ADGRB1: variants seen among roughly 807,000 people sequenced by gnomAD.
ADGRB1 encodes the protein adhesion G protein-coupled receptor B1.
Under a neutral mutation model 175.7 loss-of-function variants are expected in ADGRB1, and 36 were observed. The ratio of observed to expected loss-of-function variants is 0.20; its 90% confidence interval spans 0.16 to 0.27. ADGRB1 has a LOEUF of 0.27. Among genes scored for constraint, ADGRB1 ranks in the 10% least tolerant of loss-of-function variants. The pLI is 1.00. For missense variants in ADGRB1, 1,731 were observed against 2,255.3 expected, an observed-to-expected ratio of 0.77 and a Z score of 4.71; for synonymous variants, 1,054 against 979.4, an observed-to-expected ratio of 1.08 and a Z score of -1.42.
chr8:142,465,550 T>C (rs982218287), intron 2 of ADGRB1, among the ~76,000 whole-genome samples: 2 of 151,720 alleles, frequency 1.3e-5, no homozygotes, highest in Admixed American at 1.3e-4. Flanking sequence ...GAATCACCTC[T>C]GCCACACGCT....
intron 9 of ADGRB1, among the ~76,000 whole-genome samples, chr8:142,480,780 C>T (rs1392988501): frequency 6.6e-6 from 1 of 152,218 alleles, no homozygotes; most frequent in Non-Finnish European, 1.5e-5. Context: ...CTCTGTATCA[C>T]AGGGTGTGCC....
At chr8:142,472,847 C>T (rs1840741230) in intron 2 of ADGRB1, among the ~76,000 whole-genome samples, 1 of 152,126 alleles carries the variant, frequency 6.6e-6, no homozygotes, top group South Asian at 2.1e-4. Flanking sequence ...AGAATCGAGA[C>T]TCAGTATGCG....
In ADGRB1 at chr8:142,511,612, C is replaced by G. The variant is rs370164927; in HGVS notation, c.2817+539C>G. Among the ~76,000 whole-genome samples, 12 of 152,326 alleles carry G rather than the reference C, an allele frequency of 7.9e-5. No individual in the cohort carries two copies. In the East Asian group the frequency reaches 2.1e-3, roughly 27 times the overall value. The stretch of plus-strand genomic sequence containing the variant: ...TCCACCGCCCCCCAGGCCTCAGCAC[C>G]TCGGGGCTTCCTTTTTGTTCCTGTG... On this transcript the variant is annotated intron_variant, in intron 18 of 30. Transcript: ENST00000517894. This position sits in a 1 kb window ranked among gnomAD's most constrained non-coding sequence, Gnocchi z 4.5.
Position 142,537,204 on chromosome 8 carries a change from C to A in ADGRB1, c.3666+122C>A. On this transcript the variant is annotated intron_variant, in intron 26 of 30. Transcript: ENST00000517894. This position sits in a 1 kb window ranked among gnomAD's most constrained non-coding sequence, Gnocchi z 4.6. Reference sequence around the variant, plus strand: ...CCCAGCAACCCTGCTGAGAGGAGCTCTGAACCCAGTGTGCAGTTGGGGAAA... The same window carrying A: ...CCCAGCAACCCTGCTGAGAGGAGCTATGAACCCAGTGTGCAGTTGGGGAAA... 1 of 735,042 alleles carries A rather than the reference C, an allele frequency of 1.4e-6. No individual in the cohort carries two copies. Among genetic ancestry groups the A allele is most frequent in the Non-Finnish European group, 2.0e-6 (1 of 499,858 alleles). The allele number at this position is 735,042 out of a possible 1,614,324, so 45.5% of individuals were successfully genotyped here. A position where few individuals can be genotyped will look rare whatever the true frequency, so the allele number is the denominator to read the frequency against.
intron 3 of ADGRB1, 53 bp from the exon 4 acceptor site, chr8:142,476,532 G>T (rs1177420614): frequency 2.7e-6 from 4 of 1,492,000 alleles, no homozygotes; most frequent in Admixed American, 2.0e-5. Context: ...GCCACAGAGA[G>T]AGAGGACGGG....
intron 25 of ADGRB1, among the ~76,000 whole-genome samples, 195 bp from the exon 26 acceptor site, chr8:142,536,792 G>C (rs545181978): frequency 3.9e-5 from 6 of 152,136 alleles, no homozygotes; most frequent in East Asian, 1.9e-4. Context: ...CCCCTCCTGG[G>C]GTCTCTTTTC....
chr8:142,520,910 C>A lies in ADGRB1; in HGVS notation c.3009C>A (p.Thr1003=). The part of the protein sequence containing the change: ...SSNALILIGQ[T]QTRNKVVCTL... ...ATGCCCTCATCCTCATCGGGCAGACCCAGACCCGCAACAAGGTAGGCAGCC... is the reference window on the plus strand; with the variant it reads ...ATGCCCTCATCCTCATCGGGCAGACACAGACCCGCAACAAGGTAGGCAGCC... The change falls in exon 20 of 31, where the codon ACC becomes ACA. Residue 1003 remains threonine, a synonymous_variant. Transcript: ENST00000517894. The A allele has an allele frequency of 1.2e-6, 2 of 1,613,254 alleles. No homozygotes were observed. The highest frequency in any genetic ancestry group is 1.7e-6 in the Non-Finnish European group (2 of 1,179,340).
rs550438429 is a variant in ADGRB1, at chr8:142,469,801, GT to G, written c.784+4820del. Among the ~76,000 whole-genome samples the G allele has an allele frequency of 1.9e-3, 290 of 152,120 alleles. 3 individuals are homozygous for G. Among genetic ancestry groups the G allele is most frequent in the African/African-American group, 6.7e-3 (280 of 41,522 alleles). The stretch of plus-strand genomic sequence containing the variant: ...TCTCTGTGTGTGCACGTGCGTGTGC[GT>G]GGGGGGGATGGGGTGGCATGAGGAC... On this transcript the variant is annotated intron_variant, in intron 2 of 30. Coordinates refer to ENST00000517894, the MANE Select transcript of ADGRB1 (RefSeq NM_001702.3).
In ADGRB1 at chr8:142,511,105, G is replaced by T. The variant is rs1843076488; in HGVS notation, c.2817+32G>T. ...CCCCGGCCGGGCCGGCGGGAGGGGCGCCGGGCAGGGGCGCGGGCGGGGGCT... is the reference window on the plus strand; with the variant it reads ...CCCCGGCCGGGCCGGCGGGAGGGGCTCCGGGCAGGGGCGCGGGCGGGGGCT... On this transcript the variant is annotated intron_variant, in intron 18 of 30. Transcript: ENST00000517894. The surrounding 1 kb of genome is among the most constrained non-coding windows in gnomAD (Gnocchi z 4.5). 9.3e-7 allele frequency: 1 copy of T among 1,077,552 alleles called. No individual in the cohort carries two copies. 66.7% of individuals were successfully genotyped at this position (1,077,552 alleles called of 1,614,324 possible). A position where few individuals can be genotyped will look rare whatever the true frequency, so the allele number is the denominator to read the frequency against.
chr8:142,508,452 G>A (rs933376624), intron 17 of ADGRB1, among the ~76,000 whole-genome samples: 1 of 152,164 alleles, frequency 6.6e-6, no homozygotes, highest in Non-Finnish European at 1.5e-5. Flanking sequence ...GACTTTCCAG[G>A]GACCCCACGC....
intron 18 of ADGRB1, among the ~76,000 whole-genome samples, chr8:142,515,356 C>T (rs1587387427): frequency 6.6e-6 from 1 of 152,238 alleles, no homozygotes; most frequent in East Asian, 1.9e-4. Context: ...GGCCACCGCC[C>T]ATCCCTTCTT....
intron 21 of ADGRB1, among the ~76,000 whole-genome samples, 190 bp from the exon 22 acceptor site, chr8:142,522,451 C>A (rs372437552): frequency 2.6e-5 from 4 of 152,330 alleles, no homozygotes; most frequent in African/African-American, 9.6e-5. Context: ...CTCATTGGAC[C>A]ACCCTGCGCC....
chr8:142,464,995 C>G lies in ADGRB1; in HGVS notation c.784+13C>G. The G allele has an allele frequency of 1.6e-6, 2 of 1,261,276 alleles. No homozygotes were observed. Among genetic ancestry groups the G allele is most frequent in the Non-Finnish European group, 2.0e-6 (2 of 984,098 alleles). 78.1% of individuals were successfully genotyped at this position (1,261,276 alleles called of 1,614,324 possible). Reference sequence around the variant, plus strand: ...CACGGCGCCACAGGTGAGTGACTGGCGGGGAAACCTTCGGACAGGGGAGGT... The same window carrying G: ...CACGGCGCCACAGGTGAGTGACTGGGGGGGAAACCTTCGGACAGGGGAGGT... On this transcript the variant is annotated intron_variant, in intron 2 of 30. Transcript: ENST00000517894.
chr8:142,508,862 C>T (rs943477429), intron 17 of ADGRB1, among the ~76,000 whole-genome samples: 6 of 152,232 alleles, frequency 3.9e-5, no homozygotes, highest in Admixed American at 6.5e-5. Context: ...GGATCCTGGC[C>T]TCACACCGCA....
chr8:142,496,868 A>G (rs768470540), intron 17 of ADGRB1, among the ~76,000 whole-genome samples: 3 of 152,200 alleles, frequency 2.0e-5, no homozygotes, highest in Non-Finnish European at 4.4e-5. Flanking sequence ...CGTATTGACC[A>G]TAATGACCTG....
At chr8:142,469,455 ATGTGTGTATGCACGTGCATG>A (rs1840490482) in intron 2 of ADGRB1, among the ~76,000 whole-genome samples, 2 of 104,496 alleles carry the variant, frequency 1.9e-5, no homozygotes, top group African/African-American at 7.7e-5. Context: ...ACGTGCGTGA[ATGTGTGTATGCACGTGCATG>A]TGTGAGTGTG....
chr8:142,509,664 G>T (rs976985068), intron 17 of ADGRB1, among the ~76,000 whole-genome samples: 3 of 152,228 alleles, frequency 2.0e-5, no homozygotes, highest in African/African-American at 7.2e-5. Context: ...CTCTAGGGCA[G>T]ACCATAGGAA....
At chr8:142,516,155 TGTGCGTGTGTGGGAGCCCCAGGTGC>T (rs1170121244) in intron 18 of ADGRB1, among the ~76,000 whole-genome samples, 2 of 149,974 alleles carry the variant, frequency 1.3e-5, no homozygotes, top group African/African-American at 2.5e-5. Flanking sequence ...GGGCCCCAGG[TGTGCGTGTGTGGGAGCCCCAGGTGC>T]GTGCGTGTGT....
At position 142,510,319 on chromosome 8, in the gene ADGRB1, T is replaced by A. The variant is rs537172328; in HGVS notation, c.2676-613T>A. Among the ~76,000 whole-genome samples the A allele has an allele frequency of 1.3e-5, 2 of 151,154 alleles. No individual in the cohort carries two copies. Among genetic ancestry groups the A allele is most frequent in the East Asian group, 4.0e-4 (2 of 5,040 alleles). On this transcript the variant is annotated intron_variant, in intron 17 of 30. Coordinates refer to ENST00000517894, the MANE Select transcript of ADGRB1 (RefSeq NM_001702.3). The surrounding 1 kb of genome is among the most constrained non-coding windows in gnomAD (Gnocchi z 6.3). ...CTCCCCGCGGGGAAGGCTGTGTCTGTCCCAGGAGATGAGCCGCAGGCACCA... is the reference window on the plus strand; with the variant it reads ...CTCCCCGCGGGGAAGGCTGTGTCTGACCCAGGAGATGAGCCGCAGGCACCA...
Sources: allele counts gnomAD v4.1 joint callset (sites outside exome capture counted in the v4.1 genomes callset), GRCh38; gene constraint gnomAD v4.1.1; non-coding constraint Gnocchi (gnomAD v3.1); transcripts MANE v1.5; gene names NCBI Gene and HGNC (gene_info 2026-07-23, HGNC 2026-07-21).